The following RNLS variants were observed in gnomAD, a reference collection of about 807,000 sequenced individuals.
RNLS encodes renalase, FAD dependent amine oxidase.
RNLS carries 39 observed loss-of-function variants against 39.8 expected under a neutral mutation model. The ratio of observed to expected loss-of-function variants is 0.98; its 90% CI spans 0.76 to 1.28. The LOEUF (loss-of-function observed/expected upper bound fraction) is 1.28, where lower values mean the gene tolerates loss of function less well. Ranked by LOEUF, RNLS falls within the 50% of genes most tolerant of loss-of-function variation. RNLS has a pLI of 0.00. For synonymous variants in RNLS, 147 were observed against 150.7 expected (o/e 0.98, Z 0.18); for missense variants, 410 against 413.3 (o/e 0.99, Z 0.07).
At chr10:88,520,202 C>A (rs1270421297) in intron 4 of RNLS, among the ~76,000 whole-genome samples, 2 of 152,108 alleles carry the variant, frequency 1.3e-5, no homozygotes, top group East Asian at 3.9e-4. Context: ...CTCTACAGTT[C>A]TTTCCTGCCT....
At chr10:88,304,384 T>C (rs2132979114) in intron 6 of RNLS, among the ~76,000 whole-genome samples, 1 of 152,110 alleles carries the variant, frequency 6.6e-6, no homozygotes, top group South Asian at 2.1e-4. Flanking sequence ...AGAATATGGA[T>C]AGGAATGAAG....
intron 6 of RNLS, among the ~76,000 whole-genome samples, chr10:88,298,630 A>G (rs1170906383): frequency 6.6e-6 from 1 of 152,220 alleles, no homozygotes; most frequent in Admixed American, 6.5e-5. Flanking sequence ...ATTGTCATAA[A>G]TCAATTGACT....
intron 4 of RNLS, among the ~76,000 whole-genome samples, chr10:88,380,425 G>C (rs1851369361): frequency 7.2e-6 from 1 of 139,228 alleles, no homozygotes; most frequent in South Asian, 2.3e-4. Context: ...ACCCAGGCTG[G>C]AGTGCAGTGG....
chr10:88,189,580 C>T, the RNLS span, among the ~76,000 whole-genome samples: 19 of 152,260 alleles, frequency 1.2e-4, no homozygotes, highest in Admixed American at 3.9e-4. Context: ...CTGCATGGGA[C>T]GCTTTCTTAT....
At chr10:88,475,894 CCTATT>C (rs770795193) in intron 4 of RNLS, among the ~76,000 whole-genome samples, 80 of 152,002 alleles carry the variant, frequency 5.3e-4, no homozygotes, top group Non-Finnish European at 9.4e-4. Context: ...AAATGATAGT[CCTATT>C]CTAAAGCTGC....
At chr10:88,581,480 C>T in intron 3 of RNLS, 87 bp downstream of exon 3, 1 of 1,143,642 alleles carries the variant, frequency 8.7e-7, no homozygotes, top group Non-Finnish European at 1.2e-6. Flanking sequence ...TTTATAATTT[C>T]CTGTATAGTA....
the RNLS span, among the ~76,000 whole-genome samples, chr10:88,250,562 C>T: frequency 2.6e-5 from 4 of 152,320 alleles, no homozygotes; most frequent in African/African-American, 4.8e-5. Flanking sequence ...TTCAGACCAT[C>T]AGTGAGTGAG....
the RNLS span, among the ~76,000 whole-genome samples, chr10:88,207,070 G>A: frequency 4.6e-5 from 7 of 152,108 alleles, no homozygotes; most frequent in East Asian, 3.9e-4. Context: ...ATTTTAAAAC[G>A]GAGAGATTAT....
chr10:88,457,124 C>T (rs1842671917), intron 4 of RNLS, among the ~76,000 whole-genome samples: 1 of 152,152 alleles, frequency 6.6e-6, no homozygotes, highest in African/African-American at 2.4e-5. Flanking sequence ...AGTTTTTCTT[C>T]CTCACCATGA....
chr10:88,429,178 C>T (rs1023773579), intron 4 of RNLS, among the ~76,000 whole-genome samples: 1 of 151,788 alleles, frequency 6.6e-6, no homozygotes, highest in African/African-American at 2.4e-5. Flanking sequence ...GAGCCAGGGC[C>T]GCCACTTTCT....
At chr10:88,494,430 A>C (rs1001674824) in intron 4 of RNLS, among the ~76,000 whole-genome samples, 3 of 152,292 alleles carry the variant, frequency 2.0e-5, no homozygotes, top group Admixed American at 2.0e-4. Context: ...TGAGTGAATA[A>C]AATTAATAAA....
At chr10:88,469,005 T>C (rs1462574399) in intron 4 of RNLS, among the ~76,000 whole-genome samples, 1 of 152,074 alleles carries the variant, frequency 6.6e-6, no homozygotes, top group African/African-American at 2.4e-5. Context: ...GAATATTTAA[T>C]GTCAGGGAAA....
intron 6 of RNLS, among the ~76,000 whole-genome samples, chr10:88,307,654 A>G (rs1845025033): frequency 6.6e-6 from 1 of 152,226 alleles, no homozygotes; most frequent in Non-Finnish European, 1.5e-5. Context: ...GAGAACTACA[A>G]AACACTGCTC....
the RNLS span, among the ~76,000 whole-genome samples, chr10:88,208,522 C>G: frequency 3.3e-5 from 5 of 152,102 alleles, no homozygotes; most frequent in Admixed American, 2.0e-4. Flanking sequence ...GCATAAAATA[C>G]CAATGGACTA....
chr10:88,376,040 T>G (rs1850966882), intron 4 of RNLS, among the ~76,000 whole-genome samples: 2 of 152,134 alleles, frequency 1.3e-5, no homozygotes, highest in Non-Finnish European at 1.5e-5. Context: ...GGAGCAGCCC[T>G]CAGAAAAATA....
chr10:88,504,702 T>C (rs1182807302), intron 4 of RNLS, among the ~76,000 whole-genome samples: 1 of 152,144 alleles, frequency 6.6e-6, no homozygotes, highest in Non-Finnish European at 1.5e-5. Flanking sequence ...TCAGACTGTA[T>C]ACACTCTACT....
At chr10:88,263,869 T>C in the RNLS span, among the ~76,000 whole-genome samples, 1 of 152,172 alleles carries the variant, frequency 6.6e-6, no homozygotes, top group Non-Finnish European at 1.5e-5. Context: ...GGTGTTTTAT[T>C]ATATGAATAA....
intron 4 of RNLS, among the ~76,000 whole-genome samples, chr10:88,455,312 C>CA (rs1388152016): frequency 1.3e-5 from 2 of 152,108 alleles, no homozygotes; most frequent in Non-Finnish European, 2.9e-5. Flanking sequence ...ATAAACGTTC[C>CA]AAACCTACTA....
Position 88,452,706 on chromosome 10 carries a change from G to A in RNLS, c.527-89981C>T, listed in dbSNP as rs533759407. Among the ~76,000 whole-genome samples, 15 of 152,176 alleles carry A rather than the reference G, an allele frequency of 9.9e-5. No homozygotes were observed. In the South Asian group the frequency reaches 2.5e-3, roughly 25 times the overall value. On this transcript the variant is annotated intron_variant, in intron 4 of 6. Coordinates refer to ENST00000331772, the MANE Select transcript of RNLS (RefSeq NM_001031709.3). ...AATCTCAAGCTATGGCTACCACCCCGTCATGTCATGTTGCTTGAGACAAGA... is the reference window on the plus strand; with the variant it reads ...AATCTCAAGCTATGGCTACCACCCCATCATGTCATGTTGCTTGAGACAAGA...
Sources: gnomAD v4.1 joint callset for allele counts (sites outside exome capture counted in the v4.1 genomes callset) on GRCh38, gnomAD v4.1.1 for gene constraint, MANE v1.5 for transcripts, NCBI Gene and HGNC (gene_info 2026-07-23, HGNC 2026-07-21) for gene names.